Variants in BAG3 observed in about 807,000 individuals in gnomAD.
The protein encoded by BAG3 is BAG family molecular chaperone regulator 3.
Under a neutral mutation model 40.5 loss-of-function variants are expected in BAG3, and 14 were observed. The ratio of observed to expected loss-of-function variants is 0.35; its 90% CI spans 0.23 to 0.54. The LOEUF (loss-of-function observed/expected upper bound fraction) is 0.54. BAG3 is among the 20% of genes least tolerant of loss of function. The probability of loss-of-function intolerance (pLI) is 0.91; values close to 1 mark genes in which losing one functional copy is unlikely to be tolerated. For missense variants in BAG3, 788 were observed against 758.6 expected (o/e 1.04, Z -0.46); for synonymous variants, 302 against 307.8 (o/e 0.98, Z 0.20).
intron 1 of BAG3, among the ~76,000 whole-genome samples, chr10:119,659,000 TG>T (rs1846955586): frequency 6.6e-6 from 1 of 152,182 alleles, no homozygotes; most frequent in African/African-American, 2.4e-5. Flanking sequence ...CAGAGAGGCC[TG>T]GGGTCTTGTT....
At position 119,662,215 on chromosome 10, in the gene BAG3, G is replaced by GTTTTTTTTTTT. The variant is rs367864009; in HGVS notation, c.181-7626_181-7625insTTTTTTTTTTT. Among the ~76,000 whole-genome samples, 706 of 90,258 alleles carry GTTTTTTTTTTT rather than the reference G, an allele frequency of 7.8e-3. 9 individuals are homozygous for GTTTTTTTTTTT. The highest frequency in any genetic ancestry group is 8.9e-3 in the African/African-American group (193 of 21,768). 59.2% of individuals were successfully genotyped at this position (90,258 alleles called of 152,430 possible). ...GGCCCCCGCCACCATGCCTGGCTAT[G>GTTTTTTTTTTT]TTTTTTTTTTGTTTTTTTTTTTTTT... On this transcript the variant is annotated intron_variant, in intron 1 of 3. Coordinates refer to ENST00000369085, the MANE Select transcript of BAG3 (RefSeq NM_004281.4).
chr10:119,659,405 A>G (rs1284472553), intron 1 of BAG3, among the ~76,000 whole-genome samples: 1 of 152,162 alleles, frequency 6.6e-6, no homozygotes, highest in Non-Finnish European at 1.5e-5. Context: ...AGCCCACCTT[A>G]CTGAGGGGCC....
chr10:119,658,713 C>T (rs1358583791), intron 1 of BAG3, among the ~76,000 whole-genome samples: 1 of 152,158 alleles, frequency 6.6e-6, no homozygotes, highest in African/African-American at 2.4e-5. Context: ...ATCAGACAAA[C>T]CTGGGTTCTA....
At chr10:119,669,570 A>G (rs928227574) in intron 1 of BAG3, among the ~76,000 whole-genome samples, 1 of 152,194 alleles carries the variant, frequency 6.6e-6, no homozygotes, top group Non-Finnish European at 1.5e-5. Flanking sequence ...AGTCACCCAG[A>G]AAAGAAACCT....
At chr10:119,676,326 A>C (rs1025461300) in intron 3 of BAG3, 138 bp from the exon 4 acceptor site, 11 of 843,942 alleles carry the variant, frequency 1.3e-5, no homozygotes, top group African/African-American at 1.7e-5. Flanking sequence ...CCATTGATTG[A>C]CTTTGAAAAT....
intron 2 of BAG3, among the ~76,000 whole-genome samples, chr10:119,671,678 A>G (rs1783833752): frequency 6.6e-6 from 1 of 152,212 alleles, no homozygotes; most frequent in African/African-American, 2.4e-5. Flanking sequence ...CTCTTCCTAT[A>G]TTTCAAATGA....
chr10:119,653,115 T>A (rs990762536), intron 1 of BAG3, among the ~76,000 whole-genome samples: 12 of 152,254 alleles, frequency 7.9e-5, no homozygotes, highest in Non-Finnish European at 1.8e-4. Flanking sequence ...ATGCACTTTT[T>A]GTTTTAACAA....
rs963964101 is a variant in BAG3 at position 119,651,521 on chromosome 10, C to G, written c.-155C>G. The G allele has an allele frequency of 5.7e-5, 35 of 610,496 alleles. No homozygotes were observed. Among genetic ancestry groups the G allele is most frequent in the Non-Finnish European group, 8.5e-5 (34 of 400,044 alleles). 37.8% of individuals were successfully genotyped at this position (610,496 alleles called of 1,614,324 possible). ...AGACACTTCCACCCCTCTCTGGCCA[C>G]GTCACCCCCGCCTTTAATTCATAAA... On this transcript the variant is annotated 5_prime_UTR_variant, in exon 1 of 4. Coordinates refer to ENST00000369085, the MANE Select transcript of BAG3 (RefSeq NM_004281.4).
Position 119,672,263 on chromosome 10 carries a change from G to A in BAG3, c.516G>A (p.Gln172=), listed in dbSNP as rs768270028. 4 of 1,613,268 alleles carry A rather than the reference G, an allele frequency of 2.5e-6. No homozygotes were observed. In the South Asian group the frequency reaches 4.4e-5, roughly 18 times the overall value. Residue 172 remains glutamine, a synonymous_variant, in exon 3 of 4, where the codon CAG becomes CAA. Transcript: ENST00000369085. This position sits in a 1 kb window ranked among gnomAD's most constrained non-coding sequence, Gnocchi z 4.8. ...PPASHGPERS[Q]SPAASDCSSS... is the part of the protein sequence containing the mutation. ...CCCTGTGTCTCTTGCAGCGGTCCCA[G>A]TCTCCAGCTGCCTCTGACTGCTCAT...
intron 1 of BAG3, among the ~76,000 whole-genome samples, chr10:119,661,304 GGCACA>G (rs879421281): frequency 0.014 from 2,058 of 152,172 alleles, 26 homozygotes; most frequent in Middle Eastern, 0.041. Flanking sequence ...AATTGTTTAG[GGCACA>G]GAGCAGCTCA....
At chr10:119,662,994 G>A (rs1003204449) in intron 1 of BAG3, among the ~76,000 whole-genome samples, 3 of 152,114 alleles carry the variant, frequency 2.0e-5, no homozygotes. Flanking sequence ...CAGCCTAGGC[G>A]ACAGAGCGAG....
intron 1 of BAG3, among the ~76,000 whole-genome samples, chr10:119,661,967 A>C (rs1846996736): frequency 6.6e-6 from 1 of 152,098 alleles, no homozygotes. Flanking sequence ...AGTAATACTT[A>C]ATTCATTCAT....
chr10:119,651,791 T>C lies in BAG3; in HGVS notation c.116T>C (p.Phe39Ser), dbSNP rs1472915271. The C allele has an allele frequency of 2.5e-6, 4 of 1,602,110 alleles. No individual in the cohort carries two copies. Among genetic ancestry groups the C allele is most frequent in the Non-Finnish European group, 3.4e-6 (4 of 1,174,960 alleles). The change falls in exon 1 of 4, where the codon TTC becomes TCC. Residue 39 changes from phenylalanine (F) to serine (S), a missense_variant. Coordinates refer to ENST00000369085, the MANE Select transcript of BAG3 (RefSeq NM_004281.4). ...KIDPQTGWPFFVDHNSRTTTW... is the reference protein window; with the variant it reads ...KIDPQTGWPFSVDHNSRTTTW... ...GACCCGCAGACCGGCTGGCCCTTCT[T>C]CGTGGACCACAACAGCCGCACCACT...
chr10:119,674,077 AT>A (rs1443525817), intron 3 of BAG3, among the ~76,000 whole-genome samples: 21 of 152,356 alleles, frequency 1.4e-4, no homozygotes, highest in African/African-American at 5.1e-4. Flanking sequence ...TGAGCACCGC[AT>A]TTAGATGCAA....
intron 1 of BAG3, among the ~76,000 whole-genome samples, chr10:119,661,836 A>G (rs1846995462): frequency 6.6e-6 from 1 of 152,152 alleles, no homozygotes; most frequent in Non-Finnish European, 1.5e-5. Context: ...TATGTGCCCA[A>G]AATAGTGCTG....
rs369110129 is a variant in BAG3, at chr10:119,663,690, G to A, written c.181-6161G>A. Among the ~76,000 whole-genome samples, 3 of 152,098 alleles carry A rather than the reference G, an allele frequency of 2.0e-5. No individual in the cohort carries two copies. In the East Asian group the frequency reaches 5.8e-4, roughly 29 times the overall value. ...TTCTGATATGATTTGAGTGTAGTTA[G>A]GAGTAGTCGTTTTTAGATTTCTGTG... On this transcript the variant is annotated intron_variant, in intron 1 of 3. Coordinates refer to ENST00000369085, the MANE Select transcript of BAG3 (RefSeq NM_004281.4).
intron 1 of BAG3, among the ~76,000 whole-genome samples, chr10:119,663,781 A>G (rs1847023375): frequency 6.6e-6 from 1 of 152,160 alleles, no homozygotes; most frequent in Non-Finnish European, 1.5e-5. Flanking sequence ...TTTGGAAATC[A>G]GGCCACGCAG....
chr10:119,657,925 T>A (rs1346119726), intron 1 of BAG3, among the ~76,000 whole-genome samples: 2 of 152,222 alleles, frequency 1.3e-5, no homozygotes, highest in East Asian at 3.9e-4. Context: ...AAGGTTCTTA[T>A]TCACTGTCAA....
intron 1 of BAG3, among the ~76,000 whole-genome samples, chr10:119,663,282 T>C (rs571264293): frequency 6.6e-6 from 1 of 150,642 alleles, no homozygotes; most frequent in Non-Finnish European, 1.5e-5. Flanking sequence ...TTCTCTTCAT[T>C]TGTTTTTGGT....
Sources: allele counts gnomAD v4.1 joint callset (sites outside exome capture counted in the v4.1 genomes callset), GRCh38; gene constraint gnomAD v4.1.1; non-coding constraint Gnocchi (gnomAD v3.1); transcripts MANE v1.5; gene names NCBI Gene and HGNC (gene_info 2026-07-23, HGNC 2026-07-21).